SLC1A3: variants seen among roughly 807,000 people sequenced by gnomAD.
SLC1A3 encodes excitatory amino acid transporter 1.
In SLC1A3, 21 loss-of-function variants were observed where a neutral mutation model predicts 48.1. That is an observed-to-expected ratio of 0.44 (90% CI 0.31 to 0.63). The LOEUF (loss-of-function observed/expected upper bound fraction) is 0.63. Among genes scored for constraint, SLC1A3 ranks in the 20% least tolerant of loss-of-function variants. The pLI is 0.08. For synonymous variants in SLC1A3, 239 were observed against 251.4 expected (o/e 0.95, Z 0.47); for missense variants, 546 against 689.0 (o/e 0.79, Z 2.32).
chr5:36,670,756 A>G (rs913565178), intron 3 of SLC1A3: 3 of 515,688 alleles, frequency 5.8e-6, no homozygotes, highest in Non-Finnish European at 1.1e-5. Flanking sequence ...GGACCATTAG[A>G]GAACAGTATT....
At chr5:36,671,495 C>T (rs1197435158) in intron 4 of SLC1A3, among the ~76,000 whole-genome samples, 1 of 152,168 alleles carries the variant, frequency 6.6e-6, no homozygotes, top group African/African-American at 2.4e-5. Flanking sequence ...TGGTCACTGA[C>T]CTCTCTCAAC....
intron 2 of SLC1A3, chr5:36,613,626 C>G (rs989237964): frequency 6.6e-6 from 1 of 152,238 alleles, no homozygotes; most frequent in African/African-American, 2.4e-5. Context: ...CAACGATGGA[C>G]AGATAACTGG....
chr5:36,622,888 T>A (rs1182056753), intron 2 of SLC1A3, among the ~76,000 whole-genome samples: 1 of 151,650 alleles, frequency 6.6e-6, no homozygotes, highest in Non-Finnish European at 1.5e-5. Flanking sequence ...GGCAGGCGCA[T>A]GTAGTCCCAG....
chr5:36,597,924 C>A (rs1738763792), intron 1 of SLC1A3, among the ~76,000 whole-genome samples: 1 of 152,218 alleles, frequency 6.6e-6, no homozygotes, highest in Non-Finnish European at 1.5e-5. Context: ...TCATCTCTCT[C>A]ATGAGGTCTT....
intron 4 of SLC1A3, among the ~76,000 whole-genome samples, chr5:36,671,492 T>C (rs1322874891): frequency 6.6e-6 from 1 of 152,264 alleles, no homozygotes; most frequent in African/African-American, 2.4e-5. Context: ...ATCTGGTCAC[T>C]GACCTCTCTC....
At chr5:36,605,692 T>C (rs568463823), upstream of SLC1A3, among the ~76,000 whole-genome samples, 6 of 152,340 alleles carry the variant, frequency 3.9e-5, no homozygotes, top group Middle Eastern at 3.4e-3. Flanking sequence ...ATTTAAGTTT[T>C]GGGAATAAGT....
At chr5:36,643,537 G>A (rs150992691) in intron 3 of SLC1A3, among the ~76,000 whole-genome samples, 15 of 152,096 alleles carry the variant, frequency 9.9e-5, no homozygotes, top group Non-Finnish European at 1.6e-4. Context: ...AATTGTAATC[G>A]TTCTTTATAT....
intron 2 of SLC1A3, among the ~76,000 whole-genome samples, chr5:36,626,051 T>C (rs748089218): frequency 6.6e-6 from 1 of 152,240 alleles, no homozygotes; most frequent in Non-Finnish European, 1.5e-5. Flanking sequence ...AATTCATTCA[T>C]GGAGCTGGCT....
Position 36,683,905 on chromosome 5 carries a change from C to T in SLC1A3, c.1331C>T (p.Pro444Leu). ...TAASIGAAGI[P>L]QAGLVTMVIV... is the part of the protein sequence containing the mutation. The stretch of plus-strand genomic sequence containing the variant: ...GCCAGTATTGGGGCAGCTGGAATTC[C>T]TCAGGCGGGCCTGGTCACTATGGTC... Residue 444 changes from proline (P) to leucine (L), a missense_variant, in exon 9 of 10, where the codon CCT becomes CTT. This residue lies in a region of SLC1A3 where 142 missense variants were observed against 238.0 expected (regional missense o/e 0.60). Transcript: ENST00000265113. The T allele has an allele frequency of 6.2e-7, 1 of 1,614,202 alleles. No individual in the cohort carries two copies. The highest frequency in any genetic ancestry group is 8.5e-7 in the Non-Finnish European group (1 of 1,180,020).
intron 5 of SLC1A3, among the ~76,000 whole-genome samples, chr5:36,675,234 C>G (rs1170573832): frequency 1.4e-5 from 2 of 138,258 alleles, no homozygotes; most frequent in Non-Finnish European, 3.2e-5. Flanking sequence ...TTGAAACATT[C>G]AAACCAAATT....
At chr5:36,655,474 T>C (rs1187833386) in intron 3 of SLC1A3, among the ~76,000 whole-genome samples, 1 of 152,204 alleles carries the variant, frequency 6.6e-6, no homozygotes, top group Non-Finnish European at 1.5e-5. Flanking sequence ...AGTTCATAGA[T>C]GTTTCTGAAA....
rs765536752 is a variant in SLC1A3, at chr5:36,679,831, A to T, written c.1065A>T (p.Ala355=). 1 of 1,613,996 alleles carries T rather than the reference A, an allele frequency of 6.2e-7. No homozygotes were observed. The highest frequency in any genetic ancestry group is 8.5e-7 in the Non-Finnish European group (1 of 1,179,890). The change falls in exon 7 of 10, where the codon GCA becomes GCT. Residue 355 remains alanine (A), a synonymous_variant. Transcript: ENST00000265113. ...PWVFIGGLLQ[A]LITALGTSSS... ...TTTTTATTGGAGGGTTGCTGCAAGCACTCATCACCGCTCTGGGGACCTCTT... is the reference window on the plus strand; with the variant it reads ...TTTTTATTGGAGGGTTGCTGCAAGCTCTCATCACCGCTCTGGGGACCTCTT...
At chr5:36,678,490 T>C (rs1742301374) in intron 6 of SLC1A3, among the ~76,000 whole-genome samples, 1 of 152,202 alleles carries the variant, frequency 6.6e-6, no homozygotes, top group Non-Finnish European at 1.5e-5. Flanking sequence ...CAACGCTGAG[T>C]TATTATATTT....
At chr5:36,659,348 T>C (rs886231526) in intron 3 of SLC1A3, among the ~76,000 whole-genome samples, 2 of 152,242 alleles carry the variant, frequency 1.3e-5, no homozygotes, top group African/African-American at 2.4e-5. Flanking sequence ...TGCCTGGCAG[T>C]AGGCTCTAAT....
intron 2 of SLC1A3, chr5:36,609,263 A>T: frequency 1.1e-6 from 1 of 935,324 alleles, no homozygotes; most frequent in Non-Finnish European, 1.3e-6. Flanking sequence ...TGTACTAATA[A>T]AATATTATTG....
At chr5:36,623,014 C>CA (rs1158762437) in intron 2 of SLC1A3, among the ~76,000 whole-genome samples, 3,669 of 51,030 alleles carry the variant, frequency 0.072, 106 homozygotes, top group Non-Finnish European at 0.089. Context: ...TCCATCATCT[C>CA]AAAAAAAAAA....
chr5:36,688,181 A>C lies in SLC1A3; in HGVS notation c.*1912A>C, dbSNP rs1742730919. 1 of 152,182 alleles carries C rather than the reference A, an allele frequency of 6.6e-6. No individual in the cohort carries two copies. Among genetic ancestry groups the C allele is most frequent in the Non-Finnish European group, 1.5e-5 (1 of 68,026 alleles). The allele number at this position is 152,182 out of a possible 1,614,324, so 9.4% of individuals were successfully genotyped here. On this transcript the variant is annotated 3_prime_UTR_variant, in exon 10 of 10. Transcript: ENST00000265113. Reference sequence around the variant, plus strand: ...TTCTGTTACACAATATGTGTTTTTTAATATACTAACCATTTCTTATGGAAA... The same window carrying C: ...TTCTGTTACACAATATGTGTTTTTTCATATACTAACCATTTCTTATGGAAA...
intron 2 of SLC1A3, among the ~76,000 whole-genome samples, chr5:36,619,845 T>C (rs1397656061): frequency 6.6e-6 from 1 of 152,236 alleles, no homozygotes; most frequent in Non-Finnish European, 1.5e-5. Flanking sequence ...TGCTCTCATA[T>C]GCATTATCAA....
At chr5:36,671,854 A>T (rs1473494634) in intron 4 of SLC1A3, among the ~76,000 whole-genome samples, 1 of 152,212 alleles carries the variant, frequency 6.6e-6, no homozygotes, top group African/African-American at 2.4e-5. Flanking sequence ...CTTGAAGCAG[A>T]CTTGGTAATA....
Sources: allele counts gnomAD v4.1 joint callset (sites outside exome capture counted in the v4.1 genomes callset), GRCh38; gene constraint gnomAD v4.1.1; regional missense constraint gnomAD v4.1.1; transcripts MANE v1.5; gene names NCBI Gene and HGNC (gene_info 2026-07-23, HGNC 2026-07-21).